UBQLN1: variants seen among roughly 807,000 people sequenced by gnomAD.
UBQLN1 encodes the protein ubiquilin-1.
In UBQLN1, 13 loss-of-function variants were observed where a neutral mutation model predicts 65.4. The ratio of observed to expected loss-of-function variants is 0.20; its 90% CI spans 0.13 to 0.32. The LOEUF (loss-of-function observed/expected upper bound fraction) is 0.32. UBQLN1 is among the 10% of genes least tolerant of loss of function. The probability of loss-of-function intolerance (pLI) is 1.00; values close to 1 mark genes in which losing one functional copy is unlikely to be tolerated. For missense variants in UBQLN1, 561 were observed against 724.0 expected (o/e 0.77, Z 2.58); for synonymous variants, 267 against 247.8 (o/e 1.08, Z -0.73).
chr9:83,667,774 C>A (rs1196856093), intron 7 of UBQLN1: 1 of 973,962 alleles, frequency 1.0e-6, no homozygotes, highest in African/African-American at 1.8e-5. Flanking sequence ...CAAGTTTTTA[C>A]ACTCAAGAGT....
At chr9:83,681,029 TAATA>T (rs1291083648) in intron 3 of UBQLN1, among the ~76,000 whole-genome samples, 1 of 152,156 alleles carries the variant, frequency 6.6e-6, no homozygotes, top group African/African-American at 2.4e-5. Context: ...AAGGAAGAAA[TAATA>T]AATACACACA....
intron 1 of UBQLN1, among the ~76,000 whole-genome samples, chr9:83,691,175 C>CAT (rs200321955): frequency 0.15 from 21,013 of 141,806 alleles, 1,711 homozygotes; most frequent in Middle Eastern, 0.26. Context: ...ACAATATATA[C>CAT]ATATATATAT....
At chr9:83,702,885 T>C (rs1295648755) in intron 1 of UBQLN1, among the ~76,000 whole-genome samples, 2 of 152,212 alleles carry the variant, frequency 1.3e-5, no homozygotes, top group East Asian at 1.9e-4. Context: ...AGTATATTAA[T>C]ATTTTCCCAG....
chr9:83,665,879 C>G (rs1476825759), intron 8 of UBQLN1, among the ~76,000 whole-genome samples: 2 of 152,152 alleles, frequency 1.3e-5, no homozygotes, highest in South Asian at 4.1e-4. Flanking sequence ...ACAACACTGA[C>G]TATTTTAATC....
chr9:83,704,408 TGTG>T (rs1832362204), intron 1 of UBQLN1, among the ~76,000 whole-genome samples: 1 of 152,234 alleles, frequency 6.6e-6, no homozygotes, highest in Non-Finnish European at 1.5e-5. Flanking sequence ...GGTTCTCTGG[TGTG>T]GTGATAAGCG....
Position 83,660,321 on chromosome 9 carries a change from T to A in UBQLN1, c.*1466A>T, listed in dbSNP as rs1000822613. On this transcript the variant is annotated 3_prime_UTR_variant, in exon 11 of 11. Transcript: ENST00000376395. ...GGTCTGAATTCATTTTAGGTTACTT[T>A]AACATTTTAATTTCCTGTAACTGTA... 1 of 152,670 alleles carries A rather than the reference T, an allele frequency of 6.6e-6. No individual in the cohort carries two copies. The highest frequency in any genetic ancestry group is 1.5e-5 in the Non-Finnish European group (1 of 68,046). 9.5% of individuals were successfully genotyped at this position (152,670 alleles called of 1,614,324 possible). A position where few individuals can be genotyped will look rare whatever the true frequency, so the allele number is the denominator to read the frequency against.
At chr9:83,696,964 C>G (rs977408475) in intron 1 of UBQLN1, among the ~76,000 whole-genome samples, 2 of 152,114 alleles carry the variant, frequency 1.3e-5, no homozygotes, top group African/African-American at 4.8e-5. Context: ...AAAAAAGATA[C>G]AGAGTATTGC....
At chr9:83,669,360 G>A (rs1460372930) in intron 6 of UBQLN1, 33 bp from the exon 7 acceptor site, 2 of 1,553,350 alleles carry the variant, frequency 1.3e-6, no homozygotes, top group Non-Finnish European at 1.7e-6. Context: ...GACATATTAA[G>A]GAAAAATACT....
chr9:83,691,334 G>C (rs1832125485), intron 1 of UBQLN1, among the ~76,000 whole-genome samples: 1 of 152,006 alleles, frequency 6.6e-6, no homozygotes, highest in Non-Finnish European at 1.5e-5. Context: ...AAGGCTAAAA[G>C]ATGATCCATT....
At chr9:83,686,500 ACAC>A (rs1832042290) in intron 1 of UBQLN1, among the ~76,000 whole-genome samples, 1 of 152,212 alleles carries the variant, frequency 6.6e-6, no homozygotes, top group Non-Finnish European at 1.5e-5. Flanking sequence ...TTCATCTCTA[ACAC>A]AAAGGTCCTA....
intron 10 of UBQLN1, among the ~76,000 whole-genome samples, chr9:83,662,614 G>A (rs1831578957): frequency 1.3e-5 from 2 of 151,860 alleles, no homozygotes; most frequent in Non-Finnish European, 1.5e-5. Flanking sequence ...AGGCTTGTAA[G>A]TTAACTTATG....
intron 1 of UBQLN1, among the ~76,000 whole-genome samples, chr9:83,704,661 C>T (rs1183002194): frequency 6.6e-6 from 1 of 151,930 alleles, no homozygotes; most frequent in Non-Finnish European, 1.5e-5. Context: ...CCTGTCTCTA[C>T]TACAAATAGG....
chr9:83,698,093 G>GACAT (rs1832250085), intron 1 of UBQLN1, among the ~76,000 whole-genome samples: 1 of 152,118 alleles, frequency 6.6e-6, no homozygotes, highest in African/African-American at 2.4e-5. Context: ...AAAGTTATGT[G>GACAT]ACATTTTAAA....
At chr9:83,691,986 C>T (rs1349297216) in intron 1 of UBQLN1, among the ~76,000 whole-genome samples, 1 of 152,152 alleles carries the variant, frequency 6.6e-6, no homozygotes, top group Admixed American at 6.5e-5. Flanking sequence ...AATTTAGATA[C>T]TAGAACCACT....
intron 7 of UBQLN1, 125 bp from the exon 8 acceptor site, chr9:83,666,558 A>G (rs1040701695): frequency 1.9e-5 from 16 of 853,548 alleles, no homozygotes; most frequent in Non-Finnish European, 2.9e-5. Flanking sequence ...TAGAACATAA[A>G]TAAAAAAAGG....
chr9:83,685,615 TA>T (rs376944218), intron 2 of UBQLN1, among the ~76,000 whole-genome samples: 1,334 of 131,790 alleles, frequency 0.01, 6 homozygotes, highest in African/African-American at 0.018. Flanking sequence ...CTCTGTCTCT[TA>T]AAAAAAAAAA....
intron 8 of UBQLN1, among the ~76,000 whole-genome samples, chr9:83,665,962 A>G (rs1168436298): frequency 6.6e-6 from 1 of 152,212 alleles, no homozygotes; most frequent in Non-Finnish European, 1.5e-5. Flanking sequence ...TTTGGAAGAA[A>G]ACCTATAAAA....
intron 7 of UBQLN1, chr9:83,668,243 T>C: frequency 1.0e-6 from 1 of 985,020 alleles, no homozygotes; most frequent in Non-Finnish European, 1.2e-6. Flanking sequence ...TTACTGAGAA[T>C]TATACACAAA....
In UBQLN1 at chr9:83,662,892, C is replaced by T. The variant is rs985325082; in HGVS notation, c.1618-953G>A. Among the ~76,000 whole-genome samples, 5 of 152,174 alleles carry T rather than the reference C, an allele frequency of 3.3e-5. No individual in the cohort carries two copies. In the East Asian group the frequency reaches 9.7e-4, roughly 30 times the overall value. On this transcript the variant is annotated intron_variant, in intron 10 of 10. Transcript: ENST00000376395. ...GAGTTTGAGACCAACCTGGGCAACA[C>T]GGTTGAAACCCCAGCTCTACAAAAA... is the stretch of plus-strand genomic sequence containing the variant.
Sources: gnomAD v4.1 joint callset for allele counts (sites outside exome capture counted in the v4.1 genomes callset) on GRCh38, gnomAD v4.1.1 for gene constraint, MANE v1.5 for transcripts, NCBI Gene and HGNC (gene_info 2026-07-23, HGNC 2026-07-21) for gene names.